Variants in BSN observed in about 807,000 individuals in gnomAD.
BSN encodes the protein bassoon presynaptic cytomatrix protein.
Under a neutral mutation model 264.8 loss-of-function variants are expected in BSN, and 57 were observed. The ratio of observed to expected loss-of-function variants is 0.22; its 90% confidence interval spans 0.17 to 0.27. The LOEUF (loss-of-function observed/expected upper bound fraction) is 0.27. Ranked by LOEUF, BSN falls within the 10% of genes least tolerant of loss-of-function variation. BSN has a pLI of 1.00. For synonymous variants in BSN, 2,059 were observed against 2,137.3 expected (o/e 0.96, Z 1.01); for missense variants, 4,615 against 5,232.5 (o/e 0.88, Z 3.64).
In BSN at chr3:49,663,611, C is replaced by T. The variant is rs1340842247; in HGVS notation, c.11453C>T (p.Ala3818Val). The change falls in exon 7 of 12, where the codon GCA (alanine) becomes GTA (valine). Residue 3818 changes from alanine to valine, a missense_variant. By Grantham distance (64) the Ala-to-Val change is moderately conservative. Coordinates refer to ENST00000296452, the MANE Select transcript of BSN (RefSeq NM_003458.4). ...RGSAPAASQP[A>V]GKPQPGPSTA... ...TCAGCCCCTGCTGCCAGCCAGCCTG[C>T]AGGGAAGCCTCAGCCAGGCCCCAGC... 1.9e-6 allele frequency: 3 copies of T among 1,608,942 alleles called. No individual in the cohort carries two copies. Among genetic ancestry groups the T allele is most frequent in the Non-Finnish European group, 2.5e-6 (3 of 1,177,918 alleles).
At chr3:49,598,702 C>T (rs574251344) in intron 1 of BSN, among the ~76,000 whole-genome samples, 4 of 152,268 alleles carry the variant, frequency 2.6e-5, no homozygotes, top group Admixed American at 6.5e-5. Flanking sequence ...CCACCGTGCC[C>T]GGCCGCCACC....
chr3:49,662,396 C>T lies in BSN; in HGVS notation c.10551C>T (p.Ala3517=), dbSNP rs770922902. 109 of 1,613,390 alleles carry T rather than the reference C, an allele frequency of 6.8e-5. No homozygotes were observed. Among genetic ancestry groups the T allele is most frequent in the Middle Eastern group, 1.6e-4 (1 of 6,078 alleles). The part of the protein sequence containing the change: ...PVSPLGRPRP[A]GGPLPPGGDT... ...GTCCTTTGGGGAGGCCCCGCCCTGC[C>T]GGAGGGCCCCTCCCTCCCGGCGGGG... The change falls in exon 6 of 12, where the codon GCC becomes GCT. Residue 3517 remains alanine, a synonymous_variant. Transcript: ENST00000296452.
In BSN at chr3:49,625,488, C is replaced by G; in HGVS notation, c.633+105C>G. The G allele has an allele frequency of 8.6e-7, 1 of 1,156,168 alleles. No individual in the cohort carries two copies. Among genetic ancestry groups the G allele is most frequent in the Non-Finnish European group, 1.1e-6 (1 of 876,114 alleles). The allele number at this position is 1,156,168 out of a possible 1,614,324, so 71.6% of individuals were successfully genotyped here. A position where few individuals can be genotyped will look rare whatever the true frequency, so the allele number is the denominator to read the frequency against. ...CAACTCTCTTTTCCTGGTCATTTCC[C>G]TTGACCACCAGCATTTGTGTCCTCC... On this transcript the variant is annotated intron_variant, in intron 2 of 11. Transcript: ENST00000296452. This position sits in a 1 kb window ranked among gnomAD's most constrained non-coding sequence, Gnocchi z 4.4.
rs117820751 is a variant in BSN at position 49,611,279 on chromosome 3, A to C, written c.225-13696A>C. Among the ~76,000 whole-genome samples the C allele has an allele frequency of 1.3e-3, 205 of 152,366 alleles. 4 individuals are homozygous for C. The East Asian group carries it at 0.036, about 27-fold the overall frequency. ...AAAAGGCTGTAGTAGTAGGATTTGC[A>C]GTAGCTGGAACCTGGGAAAAGCTGG... is the stretch of plus-strand genomic sequence containing the variant. On this transcript the variant is annotated intron_variant, in intron 1 of 11. Coordinates refer to ENST00000296452, the MANE Select transcript of BSN (RefSeq NM_003458.4).
chr3:49,583,507 G>A (rs2108017530), intron 1 of BSN, among the ~76,000 whole-genome samples: 1 of 152,236 alleles, frequency 6.6e-6, no homozygotes, highest in East Asian at 1.9e-4. Context: ...CACTGTGGGA[G>A]GCTGAGGTGG....
chr3:49,663,168 C>T lies in BSN; in HGVS notation c.11010C>T (p.His3670=), dbSNP rs761647159. ...EEPGRRAAKP[H]ARDLGRHEAR... is the part of the protein sequence containing the mutation. Reference sequence around the variant, plus strand: ...CGGGACGGCGTGCTGCCAAACCACACGCTCGGGACCTGGGTCGCCATGAGG... The same window carrying T: ...CGGGACGGCGTGCTGCCAAACCACATGCTCGGGACCTGGGTCGCCATGAGG... The change falls in exon 7 of 12, where the codon CAC becomes CAT. Residue 3670 remains histidine, a synonymous_variant. Transcript: ENST00000296452. 31 of 1,613,412 alleles carry T rather than the reference C, an allele frequency of 1.9e-5. No homozygotes were observed. Among genetic ancestry groups the T allele is most frequent in the Middle Eastern group, 1.6e-4 (1 of 6,062 alleles).
chr3:49,653,004 G>A lies in BSN; in HGVS notation c.3448G>A (p.Gly1150Ser). The A allele has an allele frequency of 6.2e-7, 1 of 1,613,508 alleles. No individual in the cohort carries two copies. Among genetic ancestry groups the A allele is most frequent in the Non-Finnish European group, 8.5e-7 (1 of 1,179,916 alleles). Residue 1150 changes from glycine (G) to serine (S), a missense_variant, in exon 5 of 12, where the codon GGC becomes AGC. Around this residue, in one of 3 missense-constraint regions of BSN, gnomAD observed 3,415 missense variants for 3,866.4 expected, o/e 0.88. Coordinates refer to ENST00000296452, the MANE Select transcript of BSN (RefSeq NM_003458.4). The surrounding 1 kb of genome is among the most constrained non-coding windows in gnomAD (Gnocchi z 6.3). ...DGGPSRLYKS[G>S]SEYNLPTFMS... The stretch of plus-strand genomic sequence containing the variant: ...TGGCCCTAGCCGGCTTTACAAGTCA[G>A]GCAGTGAGTACAACCTGCCCACCTT...
At position 49,654,655 on chromosome 3, in the gene BSN, T is replaced by C. The variant is rs1227632955; in HGVS notation, c.5099T>C (p.Leu1700Pro). Residue 1700 changes from leucine to proline, a missense_variant, in exon 5 of 12, where the codon CTG becomes CCG. Leu to Pro is a moderately conservative substitution (Grantham distance 98). Transcript: ENST00000296452. The surrounding 1 kb of genome is among the most constrained non-coding windows in gnomAD (Gnocchi z 4.1). Reference sequence around the variant, plus strand: ...GAAGCGAGGAAGTATGGTCTTGCCCTGGATCCAATCCCAGGACGGCAGTCG... The same window carrying C: ...GAAGCGAGGAAGTATGGTCTTGCCCCGGATCCAATCCCAGGACGGCAGTCG... ...AVEARKYGLA[L>P]DPIPGRQSTA... The C allele has an allele frequency of 2.5e-6, 4 of 1,613,794 alleles. No homozygotes were observed. Among genetic ancestry groups the C allele is most frequent in the African/African-American group, 1.3e-5 (1 of 74,938 alleles).
chr3:49,567,117 T>C (rs1308724337), intron 1 of BSN, among the ~76,000 whole-genome samples: 1 of 152,112 alleles, frequency 6.6e-6, no homozygotes, highest in Non-Finnish European at 1.5e-5. Flanking sequence ...TTTCAATGGA[T>C]TGTTTTTAAA....
chr3:49,565,057 T>C (rs1477463938), intron 1 of BSN, among the ~76,000 whole-genome samples: 1 of 150,120 alleles, frequency 6.7e-6, no homozygotes, highest in Non-Finnish European at 1.5e-5. Context: ...CCTGCAAACC[T>C]ACCACGTAGC....
At position 49,654,944 on chromosome 3, in the gene BSN, G is replaced by A; in HGVS notation, c.5388G>A (p.Glu1796=). 1 of 1,611,820 alleles carries A rather than the reference G, an allele frequency of 6.2e-7. No homozygotes were observed. The highest frequency in any genetic ancestry group is 8.5e-7 in the Non-Finnish European group (1 of 1,178,886). Residue 1796 remains glutamate, a synonymous_variant, in exon 5 of 12, where the codon GAG becomes GAA. Coordinates refer to ENST00000296452, the MANE Select transcript of BSN (RefSeq NM_003458.4). This position sits in a 1 kb window ranked among gnomAD's most constrained non-coding sequence, Gnocchi z 4.1. ...YRSGPRGRPR[E]AKFARYNLPN... ...GTGGGCCCCGGGGAAGACCCAGGGA[G>A]GCCAAGTTTGCCAGATATAACCTAC...
In BSN at chr3:49,642,729, G is replaced by A; in HGVS notation, c.1095G>A (p.Met365Ile). 6.2e-7 allele frequency: 1 copy of A among 1,613,530 alleles called. No individual in the cohort carries two copies. Among genetic ancestry groups the A allele is most frequent in the East Asian group, 2.2e-5 (1 of 44,886 alleles). The change falls in exon 3 of 12, where the codon ATG becomes ATA. Residue 365 changes from methionine to isoleucine, a missense_variant. Met to Ile is a conservative substitution (Grantham distance 10, BLOSUM62 1). Around this residue, in one of 3 missense-constraint regions of BSN, gnomAD observed 1,197 missense variants for 1,348.0 expected, o/e 0.89. Transcript: ENST00000296452. The surrounding 1 kb of genome is among the most constrained non-coding windows in gnomAD (Gnocchi z 7.0). ...ASLLTQASTL[M>I]SVQPEADTQG... ...TGCTAACCCAGGCGAGCACCCTCAT[G>A]TCTGTGCAGCCCGAGGCTGACACCC...
At chr3:49,619,112 A>C in intron 1 of BSN, among the ~76,000 whole-genome samples, 1 of 152,094 alleles carries the variant, frequency 6.6e-6, no homozygotes, top group East Asian at 1.9e-4. Context: ...TGAATGAATG[A>C]ATAAATATCT....
rs771272014 is a variant in BSN, at chr3:49,655,212, G to A, written c.5656G>A (p.Ala1886Thr). ...TTLLPEEPAG[A>T]LDLTGMRPES... ...ACTGCTCCCAGAGGAGCCTGCGGGT[G>A]CCCTGGACCTTACCGGGATGAGGCC... is the stretch of plus-strand genomic sequence containing the variant. The change falls in exon 5 of 12, where the codon GCC becomes ACC. Residue 1886 changes from alanine to threonine, a missense_variant. By Grantham distance (58) the Ala-to-Thr change is moderately conservative. Coordinates refer to ENST00000296452, the MANE Select transcript of BSN (RefSeq NM_003458.4). The A allele has an allele frequency of 8.1e-6, 13 of 1,612,914 alleles. No individual in the cohort carries two copies. Among genetic ancestry groups the A allele is most frequent in the South Asian group, 1.1e-5 (1 of 91,096 alleles).
Position 49,657,963 on chromosome 3 carries a change from C to T in BSN, c.8407C>T (p.Pro2803Ser), listed in dbSNP as rs1430170463. The T allele has an allele frequency of 2.5e-6, 4 of 1,611,896 alleles. No homozygotes were observed. The highest frequency in any genetic ancestry group is 2.2e-5 in the South Asian group (2 of 90,980). The change falls in exon 5 of 12, where the codon CCT becomes TCT. Residue 2803 changes from proline (P) to serine (S), a missense_variant. Pro to Ser is a moderately conservative substitution (Grantham distance 74). Around this residue, in one of 3 missense-constraint regions of BSN, gnomAD observed 3,415 missense variants for 3,866.4 expected, o/e 0.88. Coordinates refer to ENST00000296452, the MANE Select transcript of BSN (RefSeq NM_003458.4). ...CTACTCACCAGTCTCACCCCTGTCCCCTCACCGGCTCCTGGACACCTCCTT... is the reference window on the plus strand; with the variant it reads ...CTACTCACCAGTCTCACCCCTGTCCTCTCACCGGCTCCTGGACACCTCCTT... ...VLYSPVSPLS[P>S]HRLLDTSFAS...
intron 2 of BSN, among the ~76,000 whole-genome samples, chr3:49,640,976 G>A (rs1321259041): frequency 6.6e-6 from 1 of 152,038 alleles, no homozygotes; most frequent in Non-Finnish European, 1.5e-5. Flanking sequence ...TAGAGTGTCT[G>A]CAGTGAAACA....
intron 1 of BSN, among the ~76,000 whole-genome samples, chr3:49,602,785 C>T (rs2052082489): frequency 6.6e-6 from 1 of 152,166 alleles, no homozygotes; most frequent in Non-Finnish European, 1.5e-5. Context: ...ACCTCCAGTG[C>T]AGTGCTGTTA....
At position 49,651,630 on chromosome 3, in the gene BSN, A is replaced by G. The variant is rs1014272589; in HGVS notation, c.2074A>G (p.Ser692Gly). ...DTGYSSDGISSSQSEITGVVQ... is the reference protein window; with the variant it reads ...DTGYSSDGISGSQSEITGVVQ... ...AGGCTATTCCTCTGACGGCATCTCT[A>G]GCTCCCAGAGTGAGATCACAGGAGT... The change falls in exon 5 of 12, where the codon AGC becomes GGC. Residue 692 changes from serine (S) to glycine (G), a missense_variant. Ser to Gly is a moderately conservative substitution (Grantham distance 56). This residue lies in a region of BSN where 1,197 missense variants were observed against 1,348.0 expected (regional missense o/e 0.89). Transcript: ENST00000296452. This position sits in a 1 kb window ranked among gnomAD's most constrained non-coding sequence, Gnocchi z 5.4. 2.1e-5 allele frequency: 34 copies of G among 1,613,932 alleles called. No individual in the cohort carries two copies. The Admixed American group carries it at 5.5e-4, about 26-fold the overall frequency.
intron 10 of BSN, 111 bp downstream of exon 10, chr3:49,664,964 G>T (rs1229274789): frequency 3.7e-6 from 3 of 810,248 alleles, no homozygotes; most frequent in Non-Finnish European, 6.2e-6. Context: ...CCAGTCTTCG[G>T]CTGGTTCAGT....
Sources: allele counts gnomAD v4.1 joint callset (sites outside exome capture counted in the v4.1 genomes callset), GRCh38; gene constraint gnomAD v4.1.1; regional missense constraint gnomAD v4.1.1; non-coding constraint Gnocchi (gnomAD v3.1); transcripts MANE v1.5; gene names NCBI Gene and HGNC (gene_info 2026-07-23, HGNC 2026-07-21).